PGR: variants seen among roughly 807,000 people sequenced by gnomAD.
The protein encoded by PGR is nuclear receptor subfamily 3 group C member 3.
In PGR, 25 loss-of-function variants were observed where a neutral mutation model predicts 76.1. The ratio of observed to expected loss-of-function variants is 0.33; its 90% CI spans 0.24 to 0.46. The LOEUF (loss-of-function observed/expected upper bound fraction) is 0.46. Ranked by LOEUF, PGR falls within the 20% of genes least tolerant of loss-of-function variation. The pLI is 1.00. For missense variants in PGR, 1,172 were observed against 1,225.3 expected, an observed-to-expected ratio of 0.96 and a Z score of 0.65; for synonymous variants, 579 against 535.0, an observed-to-expected ratio of 1.08 and a Z score of -1.14.
At chr11:101,109,460 A>G (rs924573154) in intron 2 of PGR, among the ~76,000 whole-genome samples, 1 of 152,232 alleles carries the variant, frequency 6.6e-6, no homozygotes, top group Non-Finnish European at 1.5e-5. Context: ...GCTGATATGG[A>G]GAAACGCTTA....
At chr11:101,089,645 G>A (rs1406222273) in intron 3 of PGR, among the ~76,000 whole-genome samples, 1 of 141,270 alleles carries the variant, frequency 7.1e-6, no homozygotes, top group African/African-American at 2.6e-5. Flanking sequence ...TACAGTTACT[G>A]AAAGAAAGGG....
At chr11:101,096,129 G>GA (rs1214924076) in intron 2 of PGR, among the ~76,000 whole-genome samples, 2 of 152,220 alleles carry the variant, frequency 1.3e-5, no homozygotes, top group African/African-American at 2.4e-5. Context: ...AAGTTTGGAA[G>GA]AAAAAATGAC....
At chr11:101,122,980 C>A (rs1862726607) in intron 2 of PGR, among the ~76,000 whole-genome samples, 1 of 152,208 alleles carries the variant, frequency 6.6e-6, no homozygotes, top group Non-Finnish European at 1.5e-5. Flanking sequence ...ACTTGGCTCA[C>A]ATCTTTTCTT....
At chr11:101,122,981 A>T (rs1441062682) in intron 2 of PGR, among the ~76,000 whole-genome samples, 2 of 152,088 alleles carry the variant, frequency 1.3e-5, no homozygotes, top group East Asian at 1.9e-4. Flanking sequence ...CTTGGCTCAC[A>T]TCTTTTCTTC....
At chr11:101,081,851 A>G (rs560531380) in intron 3 of PGR, among the ~76,000 whole-genome samples, 1 of 152,356 alleles carries the variant, frequency 6.6e-6, no homozygotes, top group East Asian at 1.9e-4. Flanking sequence ...AAAACACAAT[A>G]GAAACAACAA....
At chr11:101,126,265 A>C in intron 1 of PGR, 107 bp from the exon 2 acceptor site, 1 of 998,950 alleles carries the variant, frequency 1.0e-6, no homozygotes, top group East Asian at 2.6e-5. Flanking sequence ...TTTTAAAAAC[A>C]GAACTGTATA....
intron 2 of PGR, among the ~76,000 whole-genome samples, chr11:101,118,676 A>C (rs1862581690): frequency 1.3e-5 from 2 of 152,192 alleles, no homozygotes. Flanking sequence ...AAAAAGGAAA[A>C]CCCAATAGGC....
At chr11:101,127,331 G>T in intron 1 of PGR, 103 bp downstream of exon 1, 1 of 842,550 alleles carries the variant, frequency 1.2e-6, no homozygotes, top group Non-Finnish European at 1.7e-6. Flanking sequence ...GCCCCGGGGA[G>T]CGCAGCGGTG....
chr11:101,086,901 G>C (rs1188191338), intron 3 of PGR, among the ~76,000 whole-genome samples: 1 of 145,020 alleles, frequency 6.9e-6, no homozygotes, highest in African/African-American at 2.5e-5. Flanking sequence ...TTTCTACATG[G>C]ATAACTACAT....
rs770383847 is a variant in PGR at position 101,113,550 on chromosome 11, G to A, written c.1789+12457C>T. On this transcript the variant is annotated intron_variant, in intron 2 of 7. Transcript: ENST00000325455. ...CTTCCAGAGTGCTGGGATTACAGGC[G>A]TGAGCCATTGCACCCGGCCTATATA... Among the ~76,000 whole-genome samples, 6 of 152,142 alleles carry A rather than the reference G, an allele frequency of 3.9e-5. No homozygotes were observed. The East Asian group carries it at 5.8e-4, about 15-fold the overall frequency.
intron 2 of PGR, among the ~76,000 whole-genome samples, chr11:101,117,615 TA>T (rs573963467): frequency 8.7e-5 from 13 of 149,872 alleles, no homozygotes; most frequent in African/African-American, 1.2e-4. Context: ...TTTCTTCAAA[TA>T]AAAAAAAAAT....
At chr11:101,089,032 G>T (rs1475832861) in intron 3 of PGR, among the ~76,000 whole-genome samples, 2 of 152,140 alleles carry the variant, frequency 1.3e-5, no homozygotes, top group African/African-American at 4.8e-5. Context: ...AGAGGAGGAA[G>T]GAAGAAGAAG....
chr11:101,064,087 T>G (rs1055308592), intron 3 of PGR: 1 of 152,020 alleles, frequency 6.6e-6, no homozygotes, highest in Non-Finnish European at 1.5e-5. Context: ...TTCTAGCACT[T>G]TGAGAGGCCG....
rs1025080809 is a variant in PGR at position 101,031,837 on chromosome 11, G to A, written c.*7279C>T. 1.1e-4 allele frequency: 25 copies of A among 228,542 alleles called. No individual in the cohort carries two copies. Among genetic ancestry groups the A allele is most frequent in the African/African-American group, 3.1e-4 (14 of 45,096 alleles). The allele number at this position is 228,542 out of a possible 1,614,324, so 14.2% of individuals were successfully genotyped here. ...CCTATGAGTTAGGTGAATTCCTCTC[G>A]AGGTTCCAAGAATCTATACAAAGAA... On this transcript the variant is annotated 3_prime_UTR_variant, in exon 8 of 8. Coordinates refer to ENST00000325455, the MANE Select transcript of PGR (RefSeq NM_000926.4).
Position 101,128,857 on chromosome 11 carries a change from C to A in PGR, c.214G>T (p.Glu72Ter). The change falls in exon 1 of 8, where the codon GAA (glutamate) becomes TAA (stop). Residue 72 changes from glutamate (E) to a stop codon, truncating the protein, a stop_gained. Coordinates refer to ENST00000325455, the MANE Select transcript of PGR (RefSeq NM_000926.4). LOFTEE classifies it high-confidence loss of function. ...AGCGACTGCTGGTCCTGCGTCTTTT[C>A]GTCGGAGGGGTCCTGTCCCTGGCAG... is the stretch of plus-strand genomic sequence containing the variant. ...RPCQGQDPSD[E>*]KTQDQQSLSD... 1 of 1,614,180 alleles carries A rather than the reference C, an allele frequency of 6.2e-7. No homozygotes were observed. Among genetic ancestry groups the A allele is most frequent in the Non-Finnish European group, 8.5e-7 (1 of 1,180,044 alleles).
At chr11:101,098,373 G>A (rs547463821) in intron 2 of PGR, among the ~76,000 whole-genome samples, 2 of 152,150 alleles carry the variant, frequency 1.3e-5, no homozygotes, top group Non-Finnish European at 2.9e-5. Flanking sequence ...TTGAAAAGAA[G>A]GGGAAAATAC....
At chr11:101,040,293 C>A (rs1859654571) in intron 7 of PGR, among the ~76,000 whole-genome samples, 1 of 151,974 alleles carries the variant, frequency 6.6e-6, no homozygotes, top group Non-Finnish European at 1.5e-5. Context: ...ATCCTAGAAC[C>A]CTTTGTATTA....
At chr11:101,058,645 A>C (rs1860376769) in intron 4 of PGR, among the ~76,000 whole-genome samples, 2 of 152,220 alleles carry the variant, frequency 1.3e-5, no homozygotes. Context: ...AATTTATGCA[A>C]CGGAAGTGTT....
chr11:101,098,797 A>G (rs542048033), intron 2 of PGR, among the ~76,000 whole-genome samples: 2 of 152,366 alleles, frequency 1.3e-5, no homozygotes, highest in South Asian at 4.1e-4. Context: ...ATGCATAAAA[A>G]TGTAGAACCT....
Sources: gnomAD v4.1 joint callset for allele counts (sites outside exome capture counted in the v4.1 genomes callset) on GRCh38, gnomAD v4.1.1 for gene constraint, MANE v1.5 for transcripts, NCBI Gene and HGNC (gene_info 2026-07-23, HGNC 2026-07-21) for gene names.